The following VSNL1 variants were observed in gnomAD, a reference collection of about 807,000 sequenced individuals.
The protein encoded by VSNL1 is visinin-like protein 1.
A neutral mutation model predicts 20.4 loss-of-function variants in VSNL1; 6 were observed. The observed-to-expected ratio is 0.29, with a 90% CI of 0.16 to 0.58. The LOEUF is 0.58. VSNL1 is among the 20% of genes least tolerant of loss of function. The pLI is 0.90. For missense variants in VSNL1, 100 were observed against 234.5 expected (o/e 0.43, Z 3.75); for synonymous variants, 93 against 86.4 (o/e 1.08, Z -0.42).
intron 1 of VSNL1, among the ~76,000 whole-genome samples, chr2:17,578,498 C>G (rs77068802): frequency 0.037 from 5,703 of 152,278 alleles, 384 homozygotes; most frequent in African/African-American, 0.13. Context: ...TCCCTTCAAA[C>G]TGAGTATCAC....
intron 2 of VSNL1, among the ~76,000 whole-genome samples, chr2:17,630,131 A>G (rs1255768208): frequency 6.6e-6 from 1 of 152,218 alleles, no homozygotes; most frequent in African/African-American, 2.4e-5. Context: ...TCGTCCGTGT[A>G]TTTTACTTGT....
intron 2 of VSNL1, among the ~76,000 whole-genome samples, chr2:17,607,725 C>A (rs1664979489): frequency 6.6e-6 from 1 of 152,112 alleles, no homozygotes. Context: ...CAATCAATAA[C>A]AAAAATTAGT....
intron 1 of VSNL1, among the ~76,000 whole-genome samples, chr2:17,560,642 T>C: frequency 6.6e-6 from 1 of 152,166 alleles, no homozygotes; most frequent in East Asian, 1.9e-4. Context: ...AGACTTCAAT[T>C]TTTTAAAGCC....
chr2:17,557,222 C>T (rs1663705462), intron 1 of VSNL1, among the ~76,000 whole-genome samples: 1 of 152,156 alleles, frequency 6.6e-6, no homozygotes, highest in South Asian at 2.1e-4. Context: ...AATTTGTGGT[C>T]TCTAAAATCC....
At chr2:17,604,897 T>C (rs987711606) in intron 2 of VSNL1, among the ~76,000 whole-genome samples, 7 of 152,332 alleles carry the variant, frequency 4.6e-5, no homozygotes, top group Middle Eastern at 3.4e-3. Flanking sequence ...CATACTATCA[T>C]TTTGGGCTTG....
At chr2:17,561,246 A>G (rs1225481265) in intron 1 of VSNL1, among the ~76,000 whole-genome samples, 3 of 152,182 alleles carry the variant, frequency 2.0e-5, no homozygotes, top group Non-Finnish European at 2.9e-5. Flanking sequence ...ATAACAGCCT[A>G]TGGAATCTAG....
intron 2 of VSNL1, among the ~76,000 whole-genome samples, chr2:17,614,424 G>A (rs1478657086): frequency 6.6e-6 from 1 of 152,244 alleles, no homozygotes; most frequent in Non-Finnish European, 1.5e-5. Context: ...TTTGCCAGTT[G>A]TCATTTTCCC....
At chr2:17,585,594 TG>T (rs1452642348) in intron 1 of VSNL1, among the ~76,000 whole-genome samples, 1 of 58,930 alleles carries the variant, frequency 1.7e-5, no homozygotes, top group Non-Finnish European at 3.5e-5. Flanking sequence ...CAGCATGCTG[TG>T]GGGGTGGGGA....
In VSNL1 at chr2:17,585,859, A is replaced by G. The variant is rs568144900; in HGVS notation, c.-5-6211A>G. On this transcript the variant is annotated intron_variant, in intron 1 of 3. Coordinates refer to ENST00000295156, the MANE Select transcript of VSNL1 (RefSeq NM_003385.5). ...TCACTCTTGTCACCCAGGCTGGAGT[A>G]CAATGGTGCGATCTTGGCTCACTGC... Among the ~76,000 whole-genome samples the G allele has an allele frequency of 2.7e-3, 403 of 149,616 alleles. 2 individuals are homozygous for G. Among genetic ancestry groups the G allele is most frequent in the African/African-American group, 9.7e-3 (390 of 40,214 alleles).
chr2:17,540,962 T>C (rs1442255782), intron 1 of VSNL1, 44 bp downstream of exon 1: 4 of 152,248 alleles, frequency 2.6e-5, no homozygotes, highest in East Asian at 3.9e-4. Context: ...GCATGTGTAG[T>C]GCAACCAACT....
intron 2 of VSNL1, among the ~76,000 whole-genome samples, chr2:17,618,322 C>T (rs1201253383): frequency 6.6e-6 from 1 of 152,206 alleles, no homozygotes; most frequent in African/African-American, 2.4e-5. Context: ...TTTCTCACCT[C>T]CTCAAGGCTG....
intron 1 of VSNL1, among the ~76,000 whole-genome samples, chr2:17,553,060 G>T (rs1207897465): frequency 6.7e-6 from 1 of 148,926 alleles, no homozygotes; most frequent in Non-Finnish European, 1.5e-5. Flanking sequence ...AAGAGGGGGA[G>T]GGGGAAAGAG....
Position 17,554,503 on chromosome 2 carries a change from T to A in VSNL1, c.-6+13585T>A, listed in dbSNP as rs879409205. 1.2e-4 allele frequency among the ~76,000 whole-genome samples: 19 copies of A among 152,304 alleles called. 1 individual carries two copies. In the East Asian group the frequency reaches 2.7e-3, roughly 22 times the overall value. On this transcript the variant is annotated intron_variant, in intron 1 of 3. Coordinates refer to ENST00000295156, the MANE Select transcript of VSNL1 (RefSeq NM_003385.5). ...GATAGAAGTACAGAACTCTTTTTTT[T>A]ATAATTAAATGAAGAAGACATTACT...
At chr2:17,640,222 T>C (rs1311593348) in intron 2 of VSNL1, among the ~76,000 whole-genome samples, 2 of 143,040 alleles carry the variant, frequency 1.4e-5, no homozygotes, top group African/African-American at 2.6e-5. Flanking sequence ...CATTGCACTC[T>C]GGCCTGGGCA....
intron 1 of VSNL1, among the ~76,000 whole-genome samples, chr2:17,585,495 AG>A (rs905428853): frequency 6.6e-6 from 1 of 151,100 alleles, no homozygotes; most frequent in African/African-American, 2.4e-5. Flanking sequence ...ATAGGATCCA[AG>A]GGGGTGGTGC....
At chr2:17,562,388 C>G (rs1252711405) in intron 1 of VSNL1, among the ~76,000 whole-genome samples, 1 of 152,110 alleles carries the variant, frequency 6.6e-6, no homozygotes, top group Non-Finnish European at 1.5e-5. Flanking sequence ...CAGCAATCGA[C>G]AGACCAAATT....
intron 2 of VSNL1, among the ~76,000 whole-genome samples, chr2:17,631,005 C>A (rs1665616063): frequency 6.6e-6 from 1 of 152,178 alleles, no homozygotes; most frequent in Admixed American, 6.5e-5. Flanking sequence ...TGATCTCGAA[C>A]TCTTGACCTC....
intron 1 of VSNL1, among the ~76,000 whole-genome samples, chr2:17,554,556 G>GT (rs1663628311): frequency 6.6e-6 from 1 of 151,658 alleles, no homozygotes; most frequent in South Asian, 2.1e-4. Context: ...TTTTTTTCTA[G>GT]TTTTTTAAAC....
Position 17,655,336 on chromosome 2 carries a change from A to G in VSNL1, c.518A>G (p.Glu173Gly). 6.2e-7 allele frequency: 1 copy of G among 1,614,100 alleles called. No homozygotes were observed. The highest frequency in any genetic ancestry group is 8.5e-7 in the Non-Finnish European group (1 of 1,180,014). ...CAGATTACACTGGATGAATTCAAAG[A>G]AGCTGCAAAGAGCGACCCTTCCATT... Reference protein sequence around the residue: ...DDQITLDEFKEAAKSDPSIVL... With the variant: ...DDQITLDEFKGAAKSDPSIVL... The change falls in exon 4 of 4, where the codon GAA (glutamate) becomes GGA (glycine). Residue 173 changes from glutamate to glycine, a missense_variant. Coordinates refer to ENST00000295156, the MANE Select transcript of VSNL1 (RefSeq NM_003385.5). This position sits in a 1 kb window ranked among gnomAD's most constrained non-coding sequence, Gnocchi z 5.2.
Sources: allele counts gnomAD v4.1 joint callset (sites outside exome capture counted in the v4.1 genomes callset), GRCh38; gene constraint gnomAD v4.1.1; non-coding constraint Gnocchi (gnomAD v3.1); transcripts MANE v1.5; gene names NCBI Gene and HGNC (gene_info 2026-07-23, HGNC 2026-07-21).